The following SLC25A37 variants were observed in gnomAD, a reference collection of about 807,000 sequenced individuals.
SLC25A37 encodes the protein solute carrier family 25 member 37.
Under a neutral mutation model 31.0 loss-of-function variants are expected in SLC25A37, and 17 were observed. That is an observed-to-expected ratio of 0.55 (90% CI 0.38 to 0.82). The LOEUF (loss-of-function observed/expected upper bound fraction) is 0.82. Ranked by LOEUF, SLC25A37 falls within the 40% of genes least tolerant of loss-of-function variation. SLC25A37 has a pLI of 0.00. For synonymous variants in SLC25A37, 222 were observed against 193.0 expected (o/e 1.15, Z -1.24); for missense variants, 404 against 465.8 (o/e 0.87, Z 1.22).
intron 1 of SLC25A37, among the ~76,000 whole-genome samples, chr8:23,546,838 G>A (rs1435567109): frequency 6.6e-6 from 1 of 151,048 alleles, no homozygotes; most frequent in Non-Finnish European, 1.5e-5. Flanking sequence ...TTCAAATTTT[G>A]GAAGGAAGTA....
Position 23,571,960 on chromosome 8 carries a change from A to C in SLC25A37, c.*105A>C. ...ATTTTTTTTTTGCAGGGTGCTGCCT[A>C]TGGGCCCTCTGCTCCCCAATGCCTT... On this transcript the variant is annotated 3_prime_UTR_variant, in exon 4 of 4. Coordinates refer to ENST00000519973, the MANE Select transcript of SLC25A37 (RefSeq NM_016612.4). 7.8e-7 allele frequency: 1 copy of C among 1,278,766 alleles called. No homozygotes were observed. The highest frequency in any genetic ancestry group is 1.1e-6 in the Non-Finnish European group (1 of 925,690). The allele number at this position is 1,278,766 out of a possible 1,614,324, so 79.2% of individuals were successfully genotyped here. A position where few individuals can be genotyped will look rare whatever the true frequency, so the allele number is the denominator to read the frequency against.
chr8:23,553,588 T>C (rs192316334), intron 1 of SLC25A37, among the ~76,000 whole-genome samples: 2 of 152,332 alleles, frequency 1.3e-5, no homozygotes, highest in African/African-American at 4.8e-5. Context: ...TTCAGTTCTC[T>C]CTTGAAAGCA....
intron 1 of SLC25A37, among the ~76,000 whole-genome samples, chr8:23,555,139 C>T (rs930906320): frequency 6.6e-6 from 1 of 152,138 alleles, no homozygotes; most frequent in Non-Finnish European, 1.5e-5. Context: ...CCAGACCTTC[C>T]GGCCACAGGT....
chr8:23,534,434 G>T (rs78237249), intron 1 of SLC25A37, among the ~76,000 whole-genome samples: 7,308 of 152,282 alleles, frequency 0.048, 239 homozygotes, highest in Admixed American at 0.098. Flanking sequence ...TGGGGATCCT[G>T]ATTTTCTTCC....
intron 1 of SLC25A37, among the ~76,000 whole-genome samples, chr8:23,538,667 A>C (rs1197349694): frequency 6.6e-6 from 1 of 152,056 alleles, no homozygotes; most frequent in Non-Finnish European, 1.5e-5. Flanking sequence ...ACTGTGCTAG[A>C]CACTGGGCTA....
At chr8:23,532,183 GTCT>G (rs1482326666) in intron 1 of SLC25A37, among the ~76,000 whole-genome samples, 3 of 152,174 alleles carry the variant, frequency 2.0e-5, no homozygotes, top group Non-Finnish European at 4.4e-5. Context: ...TGCTTCCTGT[GTCT>G]TCTTCTTTCC....
chr8:23,538,547 T>G (rs7837639), intron 1 of SLC25A37, among the ~76,000 whole-genome samples: 9,946 of 145,476 alleles, frequency 0.068, 526 homozygotes, highest in East Asian at 0.32. Flanking sequence ...GTGTGTGTGT[T>G]TGTGTGTGTG....
At position 23,573,487 on chromosome 8, in the gene SLC25A37, G is replaced by A. The variant is rs1159647473; in HGVS notation, c.*1632G>A. The A allele has an allele frequency of 4.8e-5, 10 of 209,316 alleles. No individual in the cohort carries two copies. The highest frequency in any genetic ancestry group is 8.2e-5 in the Non-Finnish European group (8 of 98,014). 13.0% of individuals were successfully genotyped at this position (209,316 alleles called of 1,614,324 possible). A position where few individuals can be genotyped will look rare whatever the true frequency, so the allele number is the denominator to read the frequency against. On this transcript the variant is annotated 3_prime_UTR_variant, in exon 4 of 4. Transcript: ENST00000519973. ...ATGTATGTTTGCATTTCAGTGAGCC[G>A]GGTCCTGACCTGCCGCCACCCATCA... is the stretch of plus-strand genomic sequence containing the variant.
At chr8:23,549,435 CTT>C (rs780208475) in intron 1 of SLC25A37, among the ~76,000 whole-genome samples, 2 of 152,222 alleles carry the variant, frequency 1.3e-5, no homozygotes, top group African/African-American at 4.8e-5. Context: ...TCCAATACAA[CTT>C]AAATTGACTC....
At chr8:23,559,369 G>A (rs561318490) in intron 1 of SLC25A37, among the ~76,000 whole-genome samples, 4 of 152,150 alleles carry the variant, frequency 2.6e-5, no homozygotes, top group Admixed American at 1.3e-4. Flanking sequence ...GTGTGCGCGC[G>A]CGCGTGTGTG....
Position 23,546,542 on chromosome 8 carries a change from TATATATATATA to T in SLC25A37, c.210+17331_210+17341del, listed in dbSNP as rs1226451827. On this transcript the variant is annotated intron_variant, in intron 1 of 3. Transcript: ENST00000519973. ...ATATATATATAGGTGTATATATATA[TATATATATATA>T]GTGTATATATATATATATATATATA... Among the ~76,000 whole-genome samples the T allele has an allele frequency of 2.9e-3, 65 of 22,282 alleles. 3 individuals are homozygous for T. The highest frequency in any genetic ancestry group is 0.02 in the African/African-American group (56 of 2,768). 14.6% of individuals were successfully genotyped at this position (22,282 alleles called of 152,430 possible). A position where few individuals can be genotyped will look rare whatever the true frequency, so the allele number is the denominator to read the frequency against.
rs575195144 is a variant in SLC25A37 at position 23,533,788 on chromosome 8, A to T, written c.210+4576A>T. Among the ~76,000 whole-genome samples, 3 of 152,298 alleles carry T rather than the reference A, an allele frequency of 2.0e-5. No homozygotes were observed. The East Asian group carries it at 5.8e-4, about 29-fold the overall frequency. On this transcript the variant is annotated intron_variant, in intron 1 of 3. Transcript: ENST00000519973. The stretch of plus-strand genomic sequence containing the variant: ...AAATACCGGCTGTCATGTCCCATCC[A>T]TGCTGGCCACAGACATACCCCTGTG...
rs73557706 is a variant in SLC25A37, at chr8:23,564,011, A to C, written c.211-2097A>C. On this transcript the variant is annotated intron_variant, in intron 1 of 3. Transcript: ENST00000519973. Reference sequence around the variant, plus strand: ...AAAAAATAAAAATAAAGCTAAATCTAATTTAAAGTACCATTTTATAATCAG... The same window carrying C: ...AAAAAATAAAAATAAAGCTAAATCTCATTTAAAGTACCATTTTATAATCAG... Among the ~76,000 whole-genome samples the C allele has an allele frequency of 5.1e-3, 769 of 152,240 alleles. 10 individuals are homozygous for C. The highest frequency in any genetic ancestry group is 0.018 in the African/African-American group (736 of 41,532).
At chr8:23,538,214 C>G (rs1801810699) in intron 1 of SLC25A37, among the ~76,000 whole-genome samples, 1 of 151,478 alleles carries the variant, frequency 6.6e-6, no homozygotes, top group Non-Finnish European at 1.5e-5. Context: ...AACCCCGTCT[C>G]TACTAAAAAT....
intron 1 of SLC25A37, among the ~76,000 whole-genome samples, chr8:23,555,959 T>C (rs1339438368): frequency 2.6e-5 from 4 of 152,242 alleles, no homozygotes; most frequent in African/African-American, 9.6e-5. Flanking sequence ...CTCTTCATTT[T>C]GTCTTGGTAT....
In SLC25A37 at chr8:23,529,354, G is replaced by A; in HGVS notation, c.210+142G>A. On this transcript the variant is annotated intron_variant, in intron 1 of 3. Coordinates refer to ENST00000519973, the MANE Select transcript of SLC25A37 (RefSeq NM_016612.4). The surrounding 1 kb of genome is among the most constrained non-coding windows in gnomAD (Gnocchi z 4.1). The stretch of plus-strand genomic sequence containing the variant: ...ACCGCGGCTGGCCGGGGTCGCCCCA[G>A]GAGCAGCTGCGCGCAGCCTGGGCGC... 1.5e-6 allele frequency: 1 copy of A among 687,760 alleles called. No homozygotes were observed. Among genetic ancestry groups the A allele is most frequent in the Non-Finnish European group, 2.1e-6 (1 of 474,088 alleles). 42.6% of individuals were successfully genotyped at this position (687,760 alleles called of 1,614,324 possible).
intron 1 of SLC25A37, among the ~76,000 whole-genome samples, chr8:23,545,915 T>G (rs1802023945): frequency 6.6e-6 from 1 of 152,058 alleles, no homozygotes; most frequent in South Asian, 2.1e-4. Context: ...GACGGGTGGA[T>G]CACGAGGTCA....
chr8:23,571,954 C>G lies in SLC25A37; in HGVS notation c.*99C>G. 7.5e-7 allele frequency: 1 copy of G among 1,338,894 alleles called. No individual in the cohort carries two copies. Among genetic ancestry groups the G allele is most frequent in the Non-Finnish European group, 1.0e-6 (1 of 975,700 alleles). The allele number at this position is 1,338,894 out of a possible 1,614,324, so 82.9% of individuals were successfully genotyped here. A position where few individuals can be genotyped will look rare whatever the true frequency, so the allele number is the denominator to read the frequency against. On this transcript the variant is annotated 3_prime_UTR_variant, in exon 4 of 4. Transcript: ENST00000519973. ...TAGATCATTTTTTTTTTGCAGGGTGCTGCCTATGGGCCCTCTGCTCCCCAA... is the reference window on the plus strand; with the variant it reads ...TAGATCATTTTTTTTTTGCAGGGTGGTGCCTATGGGCCCTCTGCTCCCCAA...
chr8:23,567,274 C>G (rs1802689315), intron 2 of SLC25A37: 1 of 152,164 alleles, frequency 6.6e-6, no homozygotes, highest in Admixed American at 6.5e-5. Context: ...ATAAGTGTGC[C>G]TGGCTGGTTT....
Sources: gnomAD v4.1 joint callset for allele counts (sites outside exome capture counted in the v4.1 genomes callset) on GRCh38, gnomAD v4.1.1 for gene constraint, Gnocchi (gnomAD v3.1) non-coding constraint, MANE v1.5 for transcripts, NCBI Gene and HGNC (gene_info 2026-07-23, HGNC 2026-07-21) for gene names.